Variants in POU1F1 observed in about 807,000 individuals in gnomAD.
The protein encoded by POU1F1 is pituitary-specific positive transcription factor 1.
Under a neutral mutation model 32.3 loss-of-function variants are expected in POU1F1, and 23 were observed. The ratio of observed to expected loss-of-function variants is 0.71; its 90% CI spans 0.51 to 1.01. The LOEUF (loss-of-function observed/expected upper bound fraction) is 1.01, where lower values mean the gene tolerates loss of function less well. Ranked by LOEUF, POU1F1 falls within the 50% of genes least tolerant of loss-of-function variation. The pLI, the probability that POU1F1 is intolerant of heterozygous loss-of-function variation, is 0.00. For missense variants in POU1F1, 323 were observed against 341.6 expected (o/e 0.95, Z 0.43); for synonymous variants, 120 against 115.6 (o/e 1.04, Z -0.25).
intron 5 of POU1F1, among the ~76,000 whole-genome samples, chr3:87,260,881 TTTATTTA>T (rs1706499297): frequency 2.0e-4 from 7 of 34,174 alleles, no homozygotes; most frequent in Admixed American, 1.1e-3. Flanking sequence ...TTTTTATTTA[TTTATTTA>T]TTTATTTATT....
At chr3:87,271,639 A>G (rs992383710) in intron 2 of POU1F1, among the ~76,000 whole-genome samples, 7 of 152,144 alleles carry the variant, frequency 4.6e-5, no homozygotes, top group African/African-American at 1.4e-4. Flanking sequence ...AAAGCAATCC[A>G]CCCGCACCTC....
rs978933736 is a variant in POU1F1, at chr3:87,261,335, T to C, written c.605-2A>G. On this transcript the variant is annotated splice_acceptor_variant, in intron 4 of 5. Transcript: ENST00000350375. LOFTEE classifies it high-confidence loss of function. Reference sequence around the variant, plus strand: ...CTCCCACTTTTTCATTGTACAAAGCTATAATGTGGAAAAGAGAGATAATTA... The same window carrying C: ...CTCCCACTTTTTCATTGTACAAAGCCATAATGTGGAAAAGAGAGATAATTA... 7 of 1,587,458 alleles carry C rather than the reference T, an allele frequency of 4.4e-6. No homozygotes were observed. Among genetic ancestry groups the C allele is most frequent in the Non-Finnish European group, 6.0e-6 (7 of 1,160,698 alleles).
chr3:87,272,211 G>A (rs561030014), intron 2 of POU1F1, among the ~76,000 whole-genome samples: 23 of 150,960 alleles, frequency 1.5e-4, no homozygotes, highest in Admixed American at 4.0e-4. Context: ...CCATGCACAC[G>A]CACACACACA....
At chr3:87,267,103 T>G (rs1420948621) in intron 2 of POU1F1, among the ~76,000 whole-genome samples, 4 of 152,196 alleles carry the variant, frequency 2.6e-5, no homozygotes, top group African/African-American at 4.8e-5. Context: ...GTTTTTTACT[T>G]ACGCATACTA....
intron 2 of POU1F1, among the ~76,000 whole-genome samples, chr3:87,268,084 C>CTTTTTTT (rs11387958): frequency 8.6e-6 from 1 of 116,448 alleles, no homozygotes; most frequent in Non-Finnish European, 1.7e-5. Context: ...TTCCCTTTCC[C>CTTTTTTT]TTTTTTTTTT....
chr3:87,262,199 G>A lies in POU1F1; in HGVS notation c.476C>T (p.Ala159Val). The A allele has an allele frequency of 5.6e-6, 9 of 1,614,132 alleles. No individual in the cohort carries two copies. The highest frequency in any genetic ancestry group is 7.6e-6 in the Non-Finnish European group (9 of 1,179,998). Residue 159 changes from alanine (A) to valine (V), a missense_variant, in exon 4 of 6, where the codon GCT becomes GTT. By Grantham distance (64) the Ala-to-Val change is moderately conservative. Transcript: ENST00000350375. ...TQTNVGEALA[A>V]VHGSEFSQTT... ...TTGACTGAATTCAGAGCCATGCACAGCTGCCAGGGCCTCCCCAACATTTGT... is the reference window on the plus strand; with the variant it reads ...TTGACTGAATTCAGAGCCATGCACAACTGCCAGGGCCTCCCCAACATTTGT...
chr3:87,270,274 C>T (rs1284933513), intron 2 of POU1F1, among the ~76,000 whole-genome samples: 1 of 152,096 alleles, frequency 6.6e-6, no homozygotes, highest in Non-Finnish European at 1.5e-5. Context: ...TTGTAGTACC[C>T]ACCACAACGT....
chr3:87,261,444 T>C, intron 4 of POU1F1, 111 bp from the exon 5 acceptor site: 1 of 839,022 alleles, frequency 1.2e-6, no homozygotes. Context: ...ATAAAAATGC[T>C]AGACATTTTT....
chr3:87,262,031 G>A lies in POU1F1; in HGVS notation c.604+40C>T, dbSNP rs200089182. On this transcript the variant is annotated intron_variant, in intron 4 of 5. Transcript: ENST00000350375. ...TACTTATTGAAGCCATTATTTTTAG[G>A]TTAAAACACAGCACAGCCTTCAGAG... is the stretch of plus-strand genomic sequence containing the variant. The A allele has an allele frequency of 2.5e-6, 4 of 1,611,488 alleles. No individual in the cohort carries two copies. In the African/African-American group the frequency reaches 5.3e-5, roughly 22 times the overall value.
chr3:87,260,041 C>G lies in POU1F1; in HGVS notation c.729G>C (p.Glu243Asp), dbSNP rs1706478509. The G allele has an allele frequency of 5.0e-6, 8 of 1,614,056 alleles. No individual in the cohort carries two copies. Among genetic ancestry groups the G allele is most frequent in the Non-Finnish European group, 6.8e-6 (8 of 1,180,002 alleles). The change falls in exon 6 of 6, where the codon GAG (glutamate) becomes GAC (aspartate). Residue 243 changes from glutamate (E) to aspartate (D), a missense_variant. Coordinates refer to ENST00000350375, the MANE Select transcript of POU1F1 (RefSeq NM_000306.4). ...TCAGTTCTTCAGCCATCCTCATGAT[C>G]TCTTGAGAAGAAGGTTTATTCTGTT... is the stretch of plus-strand genomic sequence containing the variant. ...FGEQNKPSSQ[E>D]IMRMAEELNL... is the part of the protein sequence containing the mutation.
At chr3:87,273,276 T>G in intron 2 of POU1F1, 71 bp downstream of exon 2, 1 of 1,456,382 alleles carries the variant, frequency 6.9e-7, no homozygotes, top group East Asian at 2.3e-5. Flanking sequence ...CTGATCACAA[T>G]TCTTTCAGGC....
At chr3:87,264,534 A>C (rs753262451) in intron 2 of POU1F1, 22 bp from the exon 3 acceptor site, 1 of 1,528,912 alleles carries the variant, frequency 6.5e-7, no homozygotes, top group Non-Finnish European at 9.1e-7. Flanking sequence ...CAAAGAAATA[A>C]AATGAAAAAG....
chr3:87,262,080 G>T lies in POU1F1; in HGVS notation c.595C>A (p.Gln199Lys). 6.2e-7 allele frequency: 1 copy of T among 1,614,002 alleles called. No individual in the cohort carries two copies. The highest frequency in any genetic ancestry group is 8.5e-7 in the Non-Finnish European group (1 of 1,179,960). The change falls in exon 4 of 6, where the codon CAA becomes AAA. Residue 199 changes from glutamine to lysine, a missense_variant. Gln to Lys is a moderately conservative substitution (Grantham distance 53, BLOSUM62 1). Transcript: ENST00000350375. ...ILSKWLEEAE[Q>K]VGALYNEKVG... Reference sequence around the variant, plus strand: ...AGACACAATTTAGTACCTCCTACTTGCTCAGCTTCCTCCAGCCATTTGGAT... The same window carrying T: ...AGACACAATTTAGTACCTCCTACTTTCTCAGCTTCCTCCAGCCATTTGGAT...
At chr3:87,261,210 A>G (rs1575976046) in intron 5 of POU1F1, 63 bp downstream of exon 5, 2 of 1,202,066 alleles carry the variant, frequency 1.7e-6, no homozygotes, top group East Asian at 5.1e-5. Context: ...ATTACACTCA[A>G]ATGCTCATTC....
chr3:87,275,769 T>C (rs1445758166), intron 1 of POU1F1, among the ~76,000 whole-genome samples: 1 of 152,144 alleles, frequency 6.6e-6, no homozygotes, highest in Non-Finnish European at 1.5e-5. Context: ...TTAAATGTCA[T>C]GTTATTTCTT....
At chr3:87,268,859 G>C (rs1243816880) in intron 2 of POU1F1, among the ~76,000 whole-genome samples, 1 of 152,172 alleles carries the variant, frequency 6.6e-6, no homozygotes, top group Non-Finnish European at 1.5e-5. Flanking sequence ...ACAGAGGAGA[G>C]AGAAGAACAG....
At chr3:87,261,248 T>A (rs1476772558) in intron 5 of POU1F1, 25 bp downstream of exon 5, 1 of 1,475,038 alleles carries the variant, frequency 6.8e-7, no homozygotes, top group Non-Finnish European at 9.4e-7. Context: ...TTTTGTCCTC[T>A]AGTAACTTTT....
chr3:87,275,123 G>A (rs1284104783), intron 1 of POU1F1, among the ~76,000 whole-genome samples: 3 of 151,882 alleles, frequency 2.0e-5, no homozygotes, highest in African/African-American at 4.8e-5. Context: ...TTTATTTATA[G>A]CATATATTTT....
At chr3:87,274,952 A>C (rs1706799108) in intron 1 of POU1F1, among the ~76,000 whole-genome samples, 1 of 151,916 alleles carries the variant, frequency 6.6e-6, no homozygotes, top group Non-Finnish European at 1.5e-5. Context: ...TTTGAGTATA[A>C]AATTAGATTT....
Sources: allele counts gnomAD v4.1 joint callset (sites outside exome capture counted in the v4.1 genomes callset), GRCh38; gene constraint gnomAD v4.1.1; transcripts MANE v1.5; gene names NCBI Gene and HGNC (gene_info 2026-07-23, HGNC 2026-07-21).